ARHGAP42: variants seen among roughly 807,000 people sequenced by gnomAD.
ARHGAP42 encodes rho GTPase-activating protein 42.
A neutral mutation model predicts 125.0 loss-of-function variants in ARHGAP42; 63 were observed. The observed-to-expected ratio is 0.50, with a 90% CI of 0.41 to 0.62. The LOEUF (loss-of-function observed/expected upper bound fraction) is 0.62, where lower values mean the gene tolerates loss of function less well. ARHGAP42 is among the 20% of genes least tolerant of loss of function. The pLI, the probability that ARHGAP42 is intolerant of heterozygous loss-of-function variation, is 0.00. For missense variants in ARHGAP42, 766 were observed against 1,024.2 expected (o/e 0.75, Z 3.44); for synonymous variants, 339 against 351.0 (o/e 0.97, Z 0.38).
At chr11:100,804,242 G>A (rs556966053) in intron 3 of ARHGAP42, among the ~76,000 whole-genome samples, 7 of 151,936 alleles carry the variant, frequency 4.6e-5, no homozygotes, top group South Asian at 2.1e-4. Context: ...ATTTCACCTC[G>A]GCCTCTCAAA....
intron 3 of ARHGAP42, among the ~76,000 whole-genome samples, chr11:100,844,578 C>A (rs967218423): frequency 6.0e-5 from 9 of 151,050 alleles, no homozygotes; most frequent in African/African-American, 2.2e-4. Context: ...CCAGAAGGTA[C>A]AATGAACTCA....
At chr11:100,939,114 C>T (rs1867811104) in intron 8 of ARHGAP42, among the ~76,000 whole-genome samples, 1 of 152,112 alleles carries the variant, frequency 6.6e-6, no homozygotes, top group Non-Finnish European at 1.5e-5. Flanking sequence ...TTACCCACCT[C>T]GAGGCATGCA....
chr11:100,934,466 G>T (rs545994577), intron 7 of ARHGAP42, among the ~76,000 whole-genome samples: 1 of 152,204 alleles, frequency 6.6e-6, no homozygotes, highest in South Asian at 2.1e-4. Context: ...ATTTCTATCA[G>T]AATTTATTTT....
intron 1 of ARHGAP42, among the ~76,000 whole-genome samples, chr11:100,720,172 C>T (rs1861735739): frequency 6.6e-6 from 1 of 152,146 alleles, no homozygotes; most frequent in South Asian, 2.1e-4. Flanking sequence ...ACGTAGATGG[C>T]CTGGTGTATG....
chr11:100,905,557 T>C (rs941970019), intron 4 of ARHGAP42, among the ~76,000 whole-genome samples: 1 of 152,236 alleles, frequency 6.6e-6, no homozygotes, highest in Non-Finnish European at 1.5e-5. Flanking sequence ...TTATGGTTCA[T>C]AGGTGAACCA....
chr11:100,835,590 A>C (rs1864767760), intron 3 of ARHGAP42, among the ~76,000 whole-genome samples: 4 of 152,160 alleles, frequency 2.6e-5, no homozygotes, highest in Admixed American at 2.6e-4. Flanking sequence ...TGGGAAACTC[A>C]GGGTAGCAGT....
intron 4 of ARHGAP42, among the ~76,000 whole-genome samples, chr11:100,877,518 CTA>C (rs1489490297): frequency 1.3e-5 from 2 of 152,182 alleles, no homozygotes; most frequent in Non-Finnish European, 2.9e-5. Context: ...AAATGAAAGA[CTA>C]TGGTTTCTCA....
intron 4 of ARHGAP42, among the ~76,000 whole-genome samples, chr11:100,898,666 T>A (rs984836668): frequency 6.6e-6 from 1 of 152,224 alleles, no homozygotes; most frequent in East Asian, 1.9e-4. Flanking sequence ...TAGTTTGTAT[T>A]TCTGTGAGGT....
intron 1 of ARHGAP42, among the ~76,000 whole-genome samples, chr11:100,725,082 G>T (rs916559197): frequency 5.9e-5 from 9 of 151,534 alleles, no homozygotes; most frequent in Non-Finnish European, 1.3e-4. Flanking sequence ...ATGTCCTTTT[G>T]AAGTAAGTTA....
chr11:100,734,863 T>G (rs937612548), intron 1 of ARHGAP42, among the ~76,000 whole-genome samples: 1 of 152,200 alleles, frequency 6.6e-6, no homozygotes, highest in African/African-American at 2.4e-5. Context: ...ATGTGTGCTA[T>G]GATTCCAAAG....
At chr11:100,980,678 C>T (rs1191673766) in intron 22 of ARHGAP42, among the ~76,000 whole-genome samples, 1 of 143,854 alleles carries the variant, frequency 7.0e-6, no homozygotes, top group Non-Finnish European at 1.5e-5. Flanking sequence ...TCAAGTGATT[C>T]TCCTGCCTCA....
chr11:100,903,421 A>G (rs1263404844), intron 4 of ARHGAP42, among the ~76,000 whole-genome samples: 1 of 151,908 alleles, frequency 6.6e-6, no homozygotes, highest in Non-Finnish European at 1.5e-5. Context: ...AGAGAAATCC[A>G]AATGCTTGGC....
At chr11:100,882,075 C>T (rs74768385) in intron 4 of ARHGAP42, among the ~76,000 whole-genome samples, 2 of 152,286 alleles carry the variant, frequency 1.3e-5, no homozygotes, top group African/African-American at 4.8e-5. Context: ...AATTTGGATG[C>T]CCTTTACTTC....
rs1239695494 is a variant in ARHGAP42, at chr11:100,693,213, A to C, written c.154+5381A>C. 2.7e-5 allele frequency among the ~76,000 whole-genome samples: 4 copies of C among 147,388 alleles called. No individual in the cohort carries two copies. The Admixed American group carries it at 2.7e-4, about 10-fold the overall frequency. ...ATCGCAGATTCCTGTTTGTTTTGTG[A>C]GAGTTCCTTATTCCACTAAGGTTGT... On this transcript the variant is annotated intron_variant, in intron 1 of 23. Coordinates refer to ENST00000298815, the MANE Select transcript of ARHGAP42 (RefSeq NM_152432.4).
chr11:100,737,080 C>G (rs1410776179), intron 1 of ARHGAP42, among the ~76,000 whole-genome samples: 1 of 152,066 alleles, frequency 6.6e-6, no homozygotes, highest in Non-Finnish European at 1.5e-5. Context: ...ATTAAGGGAT[C>G]TCAGAGACAT....
At chr11:100,839,846 GA>G (rs964512149) in intron 3 of ARHGAP42, 4 of 152,104 alleles carry the variant, frequency 2.6e-5, no homozygotes, top group African/African-American at 9.7e-5. Context: ...TCCCCTCCTA[GA>G]ACCTCCAAGC....
At chr11:100,952,881 C>T (rs899000279) in intron 12 of ARHGAP42, among the ~76,000 whole-genome samples, 5 of 152,072 alleles carry the variant, frequency 3.3e-5, no homozygotes, top group Non-Finnish European at 5.9e-5. Flanking sequence ...GCACATGCCA[C>T]CACGCCCAGT....
intron 4 of ARHGAP42, among the ~76,000 whole-genome samples, chr11:100,874,458 A>C (rs779934646): frequency 6.6e-6 from 1 of 152,182 alleles, no homozygotes; most frequent in Non-Finnish European, 1.5e-5. Flanking sequence ...AAGGCTTGGA[A>C]ACTACAACAC....
At chr11:100,783,536 C>G (rs1055604772) in intron 2 of ARHGAP42, among the ~76,000 whole-genome samples, 1 of 152,118 alleles carries the variant, frequency 6.6e-6, no homozygotes, top group Non-Finnish European at 1.5e-5. Flanking sequence ...TGCAGTGTGC[C>G]TTTTGAATGG....
Sources: gnomAD v4.1 joint callset for allele counts (sites outside exome capture counted in the v4.1 genomes callset) on GRCh38, gnomAD v4.1.1 for gene constraint, MANE v1.5 for transcripts, NCBI Gene and HGNC (gene_info 2026-07-23, HGNC 2026-07-21) for gene names.